The following PRKCH variants were observed in gnomAD, a reference collection of about 807,000 sequenced individuals.
PRKCH encodes the protein protein kinase C eta type.
PRKCH carries 28 observed loss-of-function variants against 82.5 expected under a neutral mutation model. The ratio of observed to expected loss-of-function variants is 0.34; its 90% CI spans 0.25 to 0.47. PRKCH has a LOEUF of 0.47. PRKCH is among the 20% of genes least tolerant of loss of function. PRKCH has a pLI of 1.00. For missense variants in PRKCH, 705 were observed against 881.8 expected (o/e 0.80, Z 2.54); for synonymous variants, 322 against 327.4 (o/e 0.98, Z 0.18).
chr14:61,475,231 T>G (rs1283739341), intron 9 of PRKCH, among the ~76,000 whole-genome samples: 1 of 152,244 alleles, frequency 6.6e-6, no homozygotes, highest in Non-Finnish European at 1.5e-5. Flanking sequence ...CCAAAAGCTT[T>G]ATAAAGAGAA....
At chr14:61,217,321 A>G (rs1248084061) in intron 1 of PRKCH, among the ~76,000 whole-genome samples, 1 of 152,082 alleles carries the variant, frequency 6.6e-6, no homozygotes, top group Non-Finnish European at 1.5e-5. Context: ...TGGGCCCGGG[A>G]GGTTGAGGCT....
intron 1 of PRKCH, chr14:61,281,012 A>G (rs1193844816): frequency 6.5e-7 from 1 of 1,537,032 alleles, no homozygotes; most frequent in Non-Finnish European, 8.7e-7. Flanking sequence ...AGGCCGATGA[A>G]GGCCAGGCCC....
intron 1 of PRKCH, among the ~76,000 whole-genome samples, chr14:61,340,330 C>T (rs2064815101): frequency 6.8e-6 from 1 of 147,544 alleles, no homozygotes; most frequent in African/African-American, 2.5e-5. Context: ...TGTATCTTTC[C>T]TCATCCCTCA....
intron 10 of PRKCH, among the ~76,000 whole-genome samples, chr14:61,494,573 A>G (rs12896545): frequency 0.93 from 141,138 of 152,268 alleles, 65,900 homozygotes; most frequent in Non-Finnish European, 0.99. Flanking sequence ...GGTGCCATTG[A>G]CACAGCTTCC....
intron 1 of PRKCH, among the ~76,000 whole-genome samples, chr14:61,203,231 G>A (rs1457556545): frequency 2.6e-5 from 4 of 152,028 alleles, no homozygotes; most frequent in African/African-American, 4.8e-5. Flanking sequence ...ACCCAGACAG[G>A]ATGAGATCCA....
At chr14:61,457,073 A>G (rs1004701726) in intron 7 of PRKCH, 103 bp from the exon 8 acceptor site, 22 of 1,288,024 alleles carry the variant, frequency 1.7e-5, no homozygotes, top group Non-Finnish European at 2.1e-5. Flanking sequence ...CCCCCACGTT[A>G]TACTGGGGGT....
intron 7 of PRKCH, among the ~76,000 whole-genome samples, chr14:61,454,262 CCTGG>C (rs1192901683): frequency 8.6e-5 from 13 of 152,018 alleles, no homozygotes; most frequent in Non-Finnish European, 1.9e-4. Flanking sequence ...CACTACCGCG[CCTGG>C]CTGATTTTTG....
chr14:61,362,405 G>T (rs944663707), intron 1 of PRKCH, among the ~76,000 whole-genome samples: 6 of 151,080 alleles, frequency 4.0e-5, no homozygotes, highest in African/African-American at 1.5e-4. Context: ...AAATTCAAAG[G>T]ATTATTTATT....
intron 1 of PRKCH, among the ~76,000 whole-genome samples, chr14:61,242,656 C>T (rs1384395437): frequency 6.6e-6 from 1 of 152,112 alleles, no homozygotes; most frequent in Non-Finnish European, 1.5e-5. Flanking sequence ...CCTCGGCCTC[C>T]CAAAGTGCTG....
At chr14:61,448,306 A>G (rs1261257743) in intron 4 of PRKCH, among the ~76,000 whole-genome samples, 1 of 151,890 alleles carries the variant, frequency 6.6e-6, no homozygotes. Context: ...ATACTGCTTC[A>G]TTGCATGTGT....
chr14:61,332,810 C>A (rs959680217), intron 1 of PRKCH, among the ~76,000 whole-genome samples: 2 of 152,154 alleles, frequency 1.3e-5, no homozygotes, highest in East Asian at 3.8e-4. Flanking sequence ...AGCTCTGTCT[C>A]TCCACCTCTC....
At chr14:61,246,746 GTATT>G (rs976349709) in intron 1 of PRKCH, among the ~76,000 whole-genome samples, 26 of 152,016 alleles carry the variant, frequency 1.7e-4, no homozygotes, top group African/African-American at 5.3e-4. Flanking sequence ...ATGTGTGTGT[GTATT>G]TATTTATTTA....
Position 61,502,080 on chromosome 14 carries a change from T to C in PRKCH, c.1433+16424T>C, listed in dbSNP as rs1250983149. ...CTTTTCTTTTCTTTTTTTTTTTTTT[T>C]TTCCGAGATGGAGTCTCACTCTCAC... On this transcript the variant is annotated intron_variant, in intron 10 of 13. Transcript: ENST00000332981. Among the ~76,000 whole-genome samples, 7 of 102,632 alleles carry C rather than the reference T, an allele frequency of 6.8e-5. No homozygotes were observed. In the South Asian group the frequency reaches 2.0e-3, roughly 30 times the overall value. 67.3% of individuals were successfully genotyped at this position (102,632 alleles called of 152,430 possible).
chr14:61,329,865 A>C (rs147975469), intron 1 of PRKCH, among the ~76,000 whole-genome samples: 10 of 152,244 alleles, frequency 6.6e-5, no homozygotes, highest in South Asian at 2.1e-4. Context: ...AGCGTGTGAC[A>C]CTGGTCACAG....
At chr14:61,532,251 TA>T (rs915871587) in intron 12 of PRKCH, among the ~76,000 whole-genome samples, 5 of 152,036 alleles carry the variant, frequency 3.3e-5, no homozygotes, top group Non-Finnish European at 5.9e-5. Flanking sequence ...GTTCAAGCCA[TA>T]AAAAAAATGC....
intron 1 of PRKCH, among the ~76,000 whole-genome samples, chr14:61,271,762 T>A (rs566125625): frequency 1.3e-5 from 2 of 152,192 alleles, no homozygotes; most frequent in Non-Finnish European, 2.9e-5. Context: ...TGGCAGCTAT[T>A]TGTTTTGTCA....
At chr14:61,456,114 C>T (rs1308314311) in intron 7 of PRKCH, among the ~76,000 whole-genome samples, 1 of 152,198 alleles carries the variant, frequency 6.6e-6, no homozygotes, top group Non-Finnish European at 1.5e-5. Flanking sequence ...GTGCCAGGCA[C>T]CAATCTAAGT....
At chr14:61,436,708 T>C (rs1422244339) in intron 2 of PRKCH, among the ~76,000 whole-genome samples, 1 of 152,202 alleles carries the variant, frequency 6.6e-6, no homozygotes, top group Non-Finnish European at 1.5e-5. Context: ...AATTTTTGTA[T>C]TTTTAATAGA....
intron 2 of PRKCH, among the ~76,000 whole-genome samples, chr14:61,427,245 T>A (rs4899044): frequency 0.57 from 86,885 of 152,058 alleles, 26,650 homozygotes; most frequent in Non-Finnish European, 0.69. Context: ...GATAAATTAG[T>A]TATTATCTAA....
Sources: gnomAD v4.1 joint callset for allele counts (sites outside exome capture counted in the v4.1 genomes callset) on GRCh38, gnomAD v4.1.1 for gene constraint, MANE v1.5 for transcripts, NCBI Gene and HGNC (gene_info 2026-07-23, HGNC 2026-07-21) for gene names.